The following UPK1B variants were observed in gnomAD, a reference collection of about 807,000 sequenced individuals.
UPK1B encodes the protein uroplakin 1B, also known as uroplakin-1b.
UPK1B carries 28 observed loss-of-function variants against 34.2 expected under a neutral mutation model. That is an observed-to-expected ratio of 0.82 (90% CI 0.61 to 1.12). The LOEUF is 1.12. Ranked by LOEUF, UPK1B falls within the 50% of genes most tolerant of loss-of-function variation. The pLI is 0.00. For missense variants in UPK1B, 325 were observed against 320.9 expected, an observed-to-expected ratio of 1.01 and a Z score of -0.10; for synonymous variants, 81 against 110.4, an observed-to-expected ratio of 0.73 and a Z score of 1.67.
At chr3:119,177,788 GA>G (rs2077964265) in intron 1 of UPK1B, among the ~76,000 whole-genome samples, 1 of 152,310 alleles carries the variant, frequency 6.6e-6, no homozygotes, top group East Asian at 1.9e-4. Context: ...CTTGGGTGAA[GA>G]AAAGACGTAA....
intron 1 of UPK1B, among the ~76,000 whole-genome samples, chr3:119,177,082 C>T (rs1001388895): frequency 6.6e-6 from 1 of 152,188 alleles, no homozygotes; most frequent in African/African-American, 2.4e-5. Flanking sequence ...GCTCATGAAA[C>T]TCAATGTGCC....
At chr3:119,180,436 A>G in intron 1 of UPK1B, among the ~76,000 whole-genome samples, 1 of 152,192 alleles carries the variant, frequency 6.6e-6, no homozygotes, top group East Asian at 1.9e-4. Context: ...ACCAAACACC[A>G]TATCCCAGCC....
chr3:119,179,350 G>GAGAT (rs1559899935), intron 1 of UPK1B, among the ~76,000 whole-genome samples: 13 of 59,794 alleles, frequency 2.2e-4, no homozygotes, highest in East Asian at 8.5e-4. Flanking sequence ...GAGAGAGAGG[G>GAGAT]AGATATATAT....
intron 7 of UPK1B, among the ~76,000 whole-genome samples, chr3:119,200,686 G>T (rs1003420765): frequency 2.0e-5 from 3 of 152,170 alleles, no homozygotes; most frequent in Admixed American, 2.0e-4. Flanking sequence ...CCAAGGTTCT[G>T]ATTTTTGCTT....
At position 119,191,286 on chromosome 3, in the gene UPK1B, T is replaced by A. The variant is rs546047673; in HGVS notation, c.468+182T>A. Among the ~76,000 whole-genome samples, 18 of 152,320 alleles carry A rather than the reference T, an allele frequency of 1.2e-4. No individual in the cohort carries two copies. The South Asian group carries it at 3.7e-3, about 32-fold the overall frequency. On this transcript the variant is annotated intron_variant, in intron 5 of 7. Transcript: ENST00000264234. Reference sequence around the variant, plus strand: ...CACTCTCCCTCTTAGAACTCAGGTATCATTTACATTAAAAGAAAAATATTT... The same window carrying A: ...CACTCTCCCTCTTAGAACTCAGGTAACATTTACATTAAAAGAAAAATATTT...
intron 1 of UPK1B, among the ~76,000 whole-genome samples, chr3:119,185,349 GC>G: frequency 6.6e-6 from 1 of 152,272 alleles, no homozygotes; most frequent in Non-Finnish European, 1.5e-5. Flanking sequence ...TAGAAGGTTT[GC>G]CTCCCACTGC....
chr3:119,178,388 A>G (rs1046151177), intron 1 of UPK1B, among the ~76,000 whole-genome samples: 1 of 152,304 alleles, frequency 6.6e-6, no homozygotes, highest in East Asian at 1.9e-4. Flanking sequence ...TTGTAAGTGC[A>G]GAGGGAATGA....
intron 1 of UPK1B, among the ~76,000 whole-genome samples, chr3:119,180,367 AC>A (rs2077983972): frequency 2.0e-5 from 3 of 152,310 alleles, no homozygotes; most frequent in Middle Eastern, 3.4e-3. Context: ...CTGATATCTG[AC>A]CAAACACCAT....
At chr3:119,189,764 G>A (rs977149687) in intron 3 of UPK1B, among the ~76,000 whole-genome samples, 4 of 152,212 alleles carry the variant, frequency 2.6e-5, no homozygotes, top group Admixed American at 2.0e-4. Context: ...TCTGAACTCC[G>A]TGATTCTAAA....
chr3:119,198,214 T>C (rs184702567), intron 6 of UPK1B, among the ~76,000 whole-genome samples: 56 of 152,238 alleles, frequency 3.7e-4, no homozygotes, highest in African/African-American at 1.2e-3. Flanking sequence ...AAGCTTAAGC[T>C]CATTCGCTTT....
At position 119,182,296 on chromosome 3, in the gene UPK1B, A is replaced by G. The variant is rs1476578656; in HGVS notation, c.-28-4418A>G. Among the ~76,000 whole-genome samples, 5 of 152,180 alleles carry G rather than the reference A, an allele frequency of 3.3e-5. No individual in the cohort carries two copies. In the East Asian group the frequency reaches 9.6e-4, roughly 29 times the overall value. On this transcript the variant is annotated intron_variant, in intron 1 of 7. Coordinates refer to ENST00000264234, the MANE Select transcript of UPK1B (RefSeq NM_006952.4). ...GTGGAAGGAAGGCTGCTTCTCCTCAATCTAAGAGCCCTTGGCTGTGAGACC... is the reference window on the plus strand; with the variant it reads ...GTGGAAGGAAGGCTGCTTCTCCTCAGTCTAAGAGCCCTTGGCTGTGAGACC...
chr3:119,194,463 G>T, intron 6 of UPK1B, 65 bp downstream of exon 6: 2 of 1,425,706 alleles, frequency 1.4e-6, no homozygotes, highest in Non-Finnish European at 1.9e-6. Context: ...AAAAATATTG[G>T]TCAACTGTAG....
chr3:119,188,445 A>C (rs2078029611), intron 3 of UPK1B, among the ~76,000 whole-genome samples: 1 of 152,244 alleles, frequency 6.6e-6, no homozygotes, highest in South Asian at 2.1e-4. Flanking sequence ...ATAAGCTTTC[A>C]AAGATTTTTG....
chr3:119,185,967 G>A (rs2078016029), intron 1 of UPK1B, among the ~76,000 whole-genome samples: 1 of 152,206 alleles, frequency 6.6e-6, no homozygotes, highest in African/African-American at 2.4e-5. Context: ...CACACACCAA[G>A]GTCTCTAGCC....
At chr3:119,187,597 T>G (rs1449541542) in intron 2 of UPK1B, among the ~76,000 whole-genome samples, 178 bp from the exon 3 acceptor site, 1 of 152,268 alleles carries the variant, frequency 6.6e-6, no homozygotes, top group African/African-American at 2.4e-5. Context: ...TGTGAAGGGA[T>G]GTATGCAACC....
chr3:119,204,122 G>A lies in UPK1B; in HGVS notation c.*155G>A. On this transcript the variant is annotated 3_prime_UTR_variant, in exon 8 of 8. Coordinates refer to ENST00000264234, the MANE Select transcript of UPK1B (RefSeq NM_006952.4). ...GTACGGACTTCCTTTAGGATCTCAG[G>A]CTTCTGCAGTTCTCATGACTCCTAC... The A allele has an allele frequency of 1.3e-6, 1 of 759,340 alleles. No homozygotes were observed. Among genetic ancestry groups the A allele is most frequent in the Non-Finnish European group, 2.1e-6 (1 of 467,190 alleles). 47.0% of individuals were successfully genotyped at this position (759,340 alleles called of 1,614,324 possible). A position where few individuals can be genotyped will look rare whatever the true frequency, so the allele number is the denominator to read the frequency against.
In UPK1B at chr3:119,181,477, C is replaced by G. The variant is rs966211496; in HGVS notation, c.-28-5237C>G. On this transcript the variant is annotated intron_variant, in intron 1 of 7. Coordinates refer to ENST00000264234, the MANE Select transcript of UPK1B (RefSeq NM_006952.4). Reference sequence around the variant, plus strand: ...TATTCTCATTTAATTTTCATAGTAACCCTTGAAGTTAAGTATTACTATACT... The same window carrying G: ...TATTCTCATTTAATTTTCATAGTAAGCCTTGAAGTTAAGTATTACTATACT... Among the ~76,000 whole-genome samples the G allele has an allele frequency of 2.0e-5, 3 of 152,024 alleles. No individual in the cohort carries two copies. In the South Asian group the frequency reaches 6.2e-4, roughly 32 times the overall value.
chr3:119,175,446 T>C (rs2077952232), intron 1 of UPK1B, among the ~76,000 whole-genome samples: 1 of 152,166 alleles, frequency 6.6e-6, no homozygotes, highest in Non-Finnish European at 1.5e-5. Context: ...GCCCACAAAC[T>C]TGATGGGCCA....
intron 4 of UPK1B, among the ~76,000 whole-genome samples, chr3:119,190,615 C>A (rs1428205305): frequency 6.6e-6 from 1 of 152,190 alleles, no homozygotes; most frequent in Non-Finnish European, 1.5e-5. Flanking sequence ...AGTTTGTAAT[C>A]CCCTGTGGGT....
Sources: allele counts gnomAD v4.1 joint callset (sites outside exome capture counted in the v4.1 genomes callset), GRCh38; gene constraint gnomAD v4.1.1; transcripts MANE v1.5; gene names NCBI Gene and HGNC (gene_info 2026-07-23, HGNC 2026-07-21).